ZNF184: variants seen among roughly 807,000 people sequenced by gnomAD.
ZNF184 encodes zinc finger protein 184 (Kruppel-like).
In ZNF184, 16 loss-of-function variants were observed where a neutral mutation model predicts 54.4. The observed-to-expected ratio is 0.29, with a 90% CI of 0.20 to 0.45. The LOEUF is 0.45. Ranked by LOEUF, ZNF184 falls within the 20% of genes least tolerant of loss-of-function variation. The pLI, the probability that ZNF184 is intolerant of heterozygous loss-of-function variation, is 1.00. For synonymous variants in ZNF184, 254 were observed against 295.3 expected (o/e 0.86, Z 1.43); for missense variants, 681 against 888.2 (o/e 0.77, Z 2.97).
At position 27,472,478 on chromosome 6, in the gene ZNF184, C is replaced by A; in HGVS notation, c.-139-45G>T. 1 of 682,710 alleles carries A rather than the reference C, an allele frequency of 1.5e-6. No homozygotes were observed. The highest frequency in any genetic ancestry group is 2.5e-6 in the Non-Finnish European group (1 of 394,412). 42.3% of individuals were successfully genotyped at this position (682,710 alleles called of 1,614,324 possible). On this transcript the variant is annotated intron_variant, in intron 1 of 5. Transcript: ENST00000683788. The surrounding 1 kb of genome is among the most constrained non-coding windows in gnomAD (Gnocchi z 4.8). The stretch of plus-strand genomic sequence containing the variant: ...GTCAGCAGCATACGTCACACAATCA[C>A]ACATCAGAGTCTTGCAAAGTGACCA...
At chr6:27,445,745 A>G (rs1762629151), downstream of ZNF184, among the ~76,000 whole-genome samples, 1 of 128,656 alleles carries the variant, frequency 7.8e-6, no homozygotes, top group South Asian at 2.7e-4. Context: ...CTAAAACAGA[A>G]AATTGGTAAA....
Position 27,452,220 on chromosome 6 carries a change from C to T in ZNF184, c.1339G>A (p.Asp447Asn), listed in dbSNP as rs79124793. The change falls in exon 6 of 6, where the codon GAT becomes AAT. Residue 447 changes from aspartate to asparagine, a missense_variant. Physicochemically the swap from Asp to Asn is conservative, Grantham distance 23. Transcript: ENST00000683788. The surrounding 1 kb of genome is among the most constrained non-coding windows in gnomAD (Gnocchi z 5.5). ...QKTHTGEKPY[D>N]CAECGKSFSY... ...AAAGATTTTCCACATTCTGCACAAT[C>T]ATAGGGTTTCTCCCCAGTATGAGTT... 6.7e-5 allele frequency: 108 copies of T among 1,613,952 alleles called. No homozygotes were observed. In the East Asian group the frequency reaches 2.4e-3, roughly 36 times the overall value.
rs1883216 is a variant in ZNF184, at chr6:27,457,406, C to A, written c.79G>T (p.Ala27Ser). 0.63 allele frequency: 1,009,907 copies of A among 1,612,898 alleles called. 318,171 individuals carry two copies. Among genetic ancestry groups the A allele is most frequent in the Middle Eastern group, 0.76 (4,608 of 6,060 alleles). The change falls in exon 4 of 6, where the codon GCG becomes TCG. Residue 27 changes from alanine (A) to serine (S), a missense_variant. By Grantham distance (99) the Ala-to-Ser change is moderately conservative. Coordinates refer to ENST00000683788, the MANE Select transcript of ZNF184 (RefSeq NM_001318891.2). ...NLLSSASFQE[A>S]VTFKDVIVDF... Reference sequence around the variant, plus strand: ...ACTATCACATCCTTGAAAGTCACCGCTTCCTGAAATACCAAACATATTTCT... The same window carrying A: ...ACTATCACATCCTTGAAAGTCACCGATTCCTGAAATACCAAACATATTTCT...
At chr6:27,466,668 C>G (rs1387763767) in intron 3 of ZNF184, among the ~76,000 whole-genome samples, 2 of 87,828 alleles carry the variant, frequency 2.3e-5, no homozygotes, top group African/African-American at 6.9e-5. Context: ...TCACAGTATA[C>G]CCCCCAATTA....
At chr6:27,438,037 T>C in the ZNF184 span, among the ~76,000 whole-genome samples, 1 of 152,314 alleles carries the variant, frequency 6.6e-6, no homozygotes, top group East Asian at 1.9e-4. Flanking sequence ...ACCATAAACC[T>C]TCAAACCTTT....
the ZNF184 span, among the ~76,000 whole-genome samples, chr6:27,445,440 T>C: frequency 1.3e-5 from 2 of 152,036 alleles, no homozygotes; most frequent in Non-Finnish European, 2.9e-5. Context: ...AGATGGGACC[T>C]TTACCAGGGT....
In ZNF184 at chr6:27,466,357, C is replaced by T. The variant is rs142570630; in HGVS notation, c.75+1496G>A. On this transcript the variant is annotated intron_variant, in intron 3 of 5. Coordinates refer to ENST00000683788, the MANE Select transcript of ZNF184 (RefSeq NM_001318891.2). The stretch of plus-strand genomic sequence containing the variant: ...ACTGTGAGTAAATTGTGTTATTTTA[C>T]GCCATCTAAGCTTATGGCAATTAAT... 4.4e-3 allele frequency among the ~76,000 whole-genome samples: 677 copies of T among 152,280 alleles called. 3 individuals are homozygous for T. Among genetic ancestry groups the T allele is most frequent in the Admixed American group, 5.7e-3 (87 of 15,288 alleles).
At chr6:27,467,205 C>T (rs1435759792) in intron 3 of ZNF184, among the ~76,000 whole-genome samples, 1 of 152,224 alleles carries the variant, frequency 6.6e-6, no homozygotes, top group Non-Finnish European at 1.5e-5. Context: ...CTCCAGACCA[C>T]ATACATTTTT....
Position 27,467,883 on chromosome 6 carries a change from T to TC in ZNF184, c.44dup (p.His16ThrfsTer2). On this transcript the variant is annotated frameshift_variant, in exon 3 of 6. Coordinates refer to ENST00000683788, the MANE Select transcript of ZNF184 (RefSeq NM_001318891.2). LOFTEE classifies it high-confidence loss of function. Reference sequence around the variant, plus strand: ...AACTGGCTGATGAGAGTAGATTATGTCCCCCTTGGAGAAGGGTGGAGTCTG... The same window carrying TC: ...AACTGGCTGATGAGAGTAGATTATGTCCCCCCTTGGAGAAGGGTGGAGTCTG... 4 of 1,611,724 alleles carry TC rather than the reference T, an allele frequency of 2.5e-6. No individual in the cohort carries two copies. Among genetic ancestry groups the TC allele is most frequent in the Non-Finnish European group, 3.4e-6 (4 of 1,179,004 alleles).
intron 3 of ZNF184, among the ~76,000 whole-genome samples, chr6:27,463,947 G>T (rs1177871639): frequency 1.3e-5 from 2 of 151,912 alleles, no homozygotes; most frequent in African/African-American, 4.8e-5. Flanking sequence ...TGAAAATATG[G>T]TTCGACACCA....
the ZNF184 span, among the ~76,000 whole-genome samples, chr6:27,415,250 T>C: frequency 1.3e-5 from 2 of 152,208 alleles, no homozygotes; most frequent in Non-Finnish European, 2.9e-5. Flanking sequence ...ATCAACTTTA[T>C]GCTTCTAATG....
rs969766972 is a variant in ZNF184 at position 27,472,271 on chromosome 6, C to T, written c.7+17G>A. On this transcript the variant is annotated intron_variant, in intron 2 of 5. Transcript: ENST00000683788. The surrounding 1 kb of genome is among the most constrained non-coding windows in gnomAD (Gnocchi z 4.8). ...AAGCCTCCATCACCCCGCTCTCCCC[C>T]AAGTCGACCCCACTACCTTCCATCT... 8.7e-6 allele frequency: 14 copies of T among 1,613,968 alleles called. No homozygotes were observed. The highest frequency in any genetic ancestry group is 1.2e-5 in the Non-Finnish European group (14 of 1,179,982).
In ZNF184 at chr6:27,452,561, G is replaced by A; in HGVS notation, c.998C>T (p.Pro333Leu). 1 of 1,614,070 alleles carries A rather than the reference G, an allele frequency of 6.2e-7. No individual in the cohort carries two copies. The highest frequency in any genetic ancestry group is 8.5e-7 in the Non-Finnish European group (1 of 1,180,024). Residue 333 changes from proline to leucine, a missense_variant, in exon 6 of 6, where the codon CCA becomes CTA. Transcript: ENST00000683788. The surrounding 1 kb of genome is among the most constrained non-coding windows in gnomAD (Gnocchi z 5.5). Reference protein sequence around the residue: ...QHQRIHTGEKPYTCNECGKAF... With the variant: ...QHQRIHTGEKLYTCNECGKAF... ...TTTTCCACACTCATTACAAGTGTATGGCTTCTCGCCAGTATGAATTCTCTG... is the reference window on the plus strand; with the variant it reads ...TTTTCCACACTCATTACAAGTGTATAGCTTCTCGCCAGTATGAATTCTCTG...
downstream of ZNF184, among the ~76,000 whole-genome samples, chr6:27,447,797 G>A (rs918527028): frequency 2.6e-5 from 4 of 152,162 alleles, no homozygotes; most frequent in Non-Finnish European, 5.9e-5. Flanking sequence ...CATTATCACA[G>A]GAGTGACTTA....
At chr6:27,414,390 T>C in the ZNF184 span, among the ~76,000 whole-genome samples, 8 of 152,212 alleles carry the variant, frequency 5.3e-5, no homozygotes, top group Non-Finnish European at 1.2e-4. Context: ...TCACTCATAG[T>C]AAAAGCCAAA....
chr6:27,442,866 G>GA, the ZNF184 span, among the ~76,000 whole-genome samples: 8 of 60,304 alleles, frequency 1.3e-4, 1 homozygote, highest in Admixed American at 1.0e-3. Flanking sequence ...AAGAAAGAAA[G>GA]AAAGAAAGAA....
chr6:27,409,030 A>C, the ZNF184 span, among the ~76,000 whole-genome samples: 1 of 152,224 alleles, frequency 6.6e-6, no homozygotes, highest in Non-Finnish European at 1.5e-5. Flanking sequence ...AACCCTAAAA[A>C]TCTTTTAACA....
Position 27,452,487 on chromosome 6 carries a change from C to T in ZNF184, c.1072G>A (p.Gly358Arg). ...HFMEHQKIHT[G>R]EKPFKCDECD... ...TCATCACATTTAAAAGGTTTTTCTC[C>T]CGTATGAATTTTCTGATGTTCCATA... The change falls in exon 6 of 6, where the codon GGA becomes AGA. Residue 358 changes from glycine to arginine, a missense_variant. Transcript: ENST00000683788. The surrounding 1 kb of genome is among the most constrained non-coding windows in gnomAD (Gnocchi z 5.5). The T allele has an allele frequency of 1.2e-6, 2 of 1,613,984 alleles. No individual in the cohort carries two copies. The highest frequency in any genetic ancestry group is 1.7e-6 in the Non-Finnish European group (2 of 1,180,008).
At chr6:27,444,482 A>T in the ZNF184 span, among the ~76,000 whole-genome samples, 3 of 152,116 alleles carry the variant, frequency 2.0e-5, no homozygotes, top group Admixed American at 6.5e-5. Flanking sequence ...TTGAATATTT[A>T]AAAAATCCTC....
Sources: gnomAD v4.1 joint callset for allele counts (sites outside exome capture counted in the v4.1 genomes callset) on GRCh38, gnomAD v4.1.1 for gene constraint, Gnocchi (gnomAD v3.1) non-coding constraint, MANE v1.5 for transcripts, NCBI Gene and HGNC (gene_info 2026-07-23, HGNC 2026-07-21) for gene names.